ROBO2: variants seen among roughly 807,000 people sequenced by gnomAD.
The protein encoded by ROBO2 is roundabout guidance receptor 2, also known as roundabout homolog 2.
Under a neutral mutation model 160.8 loss-of-function variants are expected in ROBO2, and 53 were observed. The ratio of observed to expected loss-of-function variants is 0.33; its 90% confidence interval spans 0.26 to 0.41. ROBO2 has a LOEUF of 0.41. Ranked by LOEUF, ROBO2 falls within the 10% of genes least tolerant of loss-of-function variation. The pLI, the probability that ROBO2 is intolerant of heterozygous loss-of-function variation, is 1.00. For missense variants in ROBO2, 1,577 were observed against 1,722.4 expected, an observed-to-expected ratio of 0.92 and a Z score of 1.49; for synonymous variants, 664 against 611.7, an observed-to-expected ratio of 1.09 and a Z score of -1.26.
At chr3:76,821,811 A>G (rs1188782241) in intron 2 of ROBO2, among the ~76,000 whole-genome samples, 3 of 151,954 alleles carry the variant, frequency 2.0e-5, no homozygotes, top group Non-Finnish European at 4.4e-5. Flanking sequence ...ACAGTAAAAA[A>G]CTGACTATAA....
intron 2 of ROBO2, among the ~76,000 whole-genome samples, chr3:76,458,060 A>G (rs2077872135): frequency 6.6e-6 from 1 of 152,120 alleles, no homozygotes; most frequent in South Asian, 2.1e-4. Flanking sequence ...GGTCTTGAGG[A>G]TTAACATTAG....
chr3:77,400,494 C>T (rs1442149071), intron 2 of ROBO2, among the ~76,000 whole-genome samples: 3 of 152,220 alleles, frequency 2.0e-5, no homozygotes, highest in South Asian at 4.1e-4. Flanking sequence ...GGAGCCAGTA[C>T]GTTCACTTTA....
intron 2 of ROBO2, among the ~76,000 whole-genome samples, chr3:76,196,437 C>A (rs563337257): frequency 1.3e-5 from 2 of 152,122 alleles, no homozygotes; most frequent in East Asian, 3.9e-4. Flanking sequence ...TCAAGAATTC[C>A]TACAGGAACA....
At chr3:76,486,710 T>C (rs2079518024) in intron 2 of ROBO2, among the ~76,000 whole-genome samples, 1 of 152,166 alleles carries the variant, frequency 6.6e-6, no homozygotes, top group Admixed American at 6.5e-5. Flanking sequence ...TCCTGTTATT[T>C]AGCAGTTTTC....
chr3:76,601,753 T>C (rs545705375), intron 2 of ROBO2, among the ~76,000 whole-genome samples: 10 of 152,308 alleles, frequency 6.6e-5, no homozygotes, highest in African/African-American at 1.9e-4. Context: ...TTTTCCCCCA[T>C]AGTCCTGGGG....
chr3:75,928,755 T>C (rs1169443847), intron 1 of ROBO2, among the ~76,000 whole-genome samples: 1 of 152,192 alleles, frequency 6.6e-6, no homozygotes, highest in African/African-American at 2.4e-5. Context: ...ACATGAGATC[T>C]GCAGCTGGTT....
chr3:77,368,567 C>A (rs748092902), intron 2 of ROBO2, among the ~76,000 whole-genome samples: 14 of 152,108 alleles, frequency 9.2e-5, no homozygotes, highest in Non-Finnish European at 1.6e-4. Context: ...TTATACTTTT[C>A]TGAATATACT....
At chr3:77,092,949 A>G (rs1263354734) in intron 1 of ROBO2, among the ~76,000 whole-genome samples, 1 of 152,000 alleles carries the variant, frequency 6.6e-6, no homozygotes, top group African/African-American at 2.4e-5. Context: ...ATGGAAAATG[A>G]TATCAGGTAC....
intron 2 of ROBO2, among the ~76,000 whole-genome samples, chr3:76,613,976 A>G (rs1402088962): frequency 1.3e-5 from 2 of 151,992 alleles, no homozygotes; most frequent in Non-Finnish European, 2.9e-5. Context: ...GTATGCATGC[A>G]TGCAATGACT....
intron 2 of ROBO2, among the ~76,000 whole-genome samples, chr3:76,579,422 T>C (rs1012663736): frequency 9.2e-5 from 14 of 152,142 alleles, no homozygotes; most frequent in Admixed American, 2.6e-4. Flanking sequence ...GTAAGTACCA[T>C]GAAGTCACAG....
At chr3:77,626,828 A>G (rs1256880932) in intron 23 of ROBO2, among the ~76,000 whole-genome samples, 1 of 152,162 alleles carries the variant, frequency 6.6e-6, no homozygotes, top group Non-Finnish European at 1.5e-5. Context: ...TGAATATCAC[A>G]GCTGAAAGGA....
At chr3:76,098,062 G>A (rs2069526759) in intron 2 of ROBO2, among the ~76,000 whole-genome samples, 1 of 152,084 alleles carries the variant, frequency 6.6e-6, no homozygotes, top group African/African-American at 2.4e-5. Context: ...TTATATTTAA[G>A]AGTGTGGTTC....
intron 2 of ROBO2, among the ~76,000 whole-genome samples, chr3:76,163,528 T>A (rs1356812068): frequency 2.7e-5 from 4 of 149,128 alleles, no homozygotes; most frequent in Non-Finnish European, 4.4e-5. Flanking sequence ...TAATGTTATA[T>A]TGTATATGAA....
At chr3:76,324,718 G>A (rs2072863162) in intron 2 of ROBO2, among the ~76,000 whole-genome samples, 1 of 151,878 alleles carries the variant, frequency 6.6e-6, no homozygotes, top group Non-Finnish European at 1.5e-5. Context: ...CAATAATTCT[G>A]GAATTAAATA....
intron 2 of ROBO2, among the ~76,000 whole-genome samples, chr3:77,171,435 A>T (rs986059222): frequency 3.9e-5 from 6 of 152,232 alleles, no homozygotes; most frequent in African/African-American, 1.4e-4. Flanking sequence ...TTTCTACTTG[A>T]CAGTTAATAT....
intron 2 of ROBO2, among the ~76,000 whole-genome samples, chr3:76,106,268 A>C (rs1479189793): frequency 6.6e-6 from 1 of 152,088 alleles, no homozygotes; most frequent in African/African-American, 2.4e-5. Context: ...CATGTTTTTT[A>C]CCTGCAACAG....
intron 2 of ROBO2, among the ~76,000 whole-genome samples, chr3:77,358,682 A>G (rs2069484870): frequency 1.3e-5 from 2 of 152,238 alleles, no homozygotes; most frequent in South Asian, 4.1e-4. Context: ...ATAGTACATC[A>G]TTTAAGTGTT....
intron 2 of ROBO2, among the ~76,000 whole-genome samples, chr3:76,013,456 G>GCCTGGT (rs2107623455): frequency 1.3e-5 from 2 of 150,688 alleles, no homozygotes; most frequent in East Asian, 4.1e-4. Flanking sequence ...TTGGAGGCTG[G>GCCTGGT]GCACTGTGGC....
chr3:77,375,516 G>T (rs1476728931), intron 2 of ROBO2, among the ~76,000 whole-genome samples: 3 of 152,122 alleles, frequency 2.0e-5, no homozygotes, highest in Non-Finnish European at 1.5e-5. Context: ...GATTTCACTT[G>T]TGTTGACTAG....
Sources: gnomAD v4.1 joint callset for allele counts (sites outside exome capture counted in the v4.1 genomes callset) on GRCh38, gnomAD v4.1.1 for gene constraint, MANE v1.5 for transcripts, NCBI Gene and HGNC (gene_info 2026-07-23, HGNC 2026-07-21) for gene names.